PSMA8: variants seen among roughly 807,000 people sequenced by gnomAD.
PSMA8 encodes the protein proteasome 20S subunit alpha 8.
PSMA8 carries 18 observed loss-of-function variants against 32.4 expected under a neutral mutation model. The observed-to-expected ratio is 0.56, with a 90% CI of 0.38 to 0.82. PSMA8 has a LOEUF of 0.82. PSMA8 is among the 40% of genes least tolerant of loss of function. PSMA8 has a pLI of 0.00. For missense variants in PSMA8, 298 were observed against 300.7 expected (o/e 0.99, Z 0.07); for synonymous variants, 104 against 98.1 (o/e 1.06, Z -0.36).
intron 4 of PSMA8, among the ~76,000 whole-genome samples, chr18:26,161,976 C>T (rs1333656870): frequency 6.6e-6 from 1 of 152,084 alleles, no homozygotes; most frequent in East Asian, 1.9e-4. Context: ...TAAGGAAACA[C>T]TCATTTTTAG....
intron 1 of PSMA8, 152 bp downstream of exon 1, chr18:26,134,219 C>G (rs2054889850): frequency 1.6e-6 from 1 of 616,464 alleles, no homozygotes; most frequent in African/African-American, 1.8e-5. Context: ...TTTAGGGAGA[C>G]AGACTTCTAG....
At chr18:26,178,001 T>C (rs1294886917) in intron 4 of PSMA8, among the ~76,000 whole-genome samples, 1 of 151,976 alleles carries the variant, frequency 6.6e-6, no homozygotes, top group East Asian at 1.9e-4. Context: ...ATCACATGAG[T>C]CCAGGAGTTC....
intron 4 of PSMA8, among the ~76,000 whole-genome samples, chr18:26,166,328 C>T (rs2055179815): frequency 6.6e-6 from 1 of 152,142 alleles, no homozygotes. Flanking sequence ...GACAATATTT[C>T]CCATTTTCAC....
At chr18:26,162,360 T>G (rs910173160) in intron 4 of PSMA8, among the ~76,000 whole-genome samples, 21 of 152,112 alleles carry the variant, frequency 1.4e-4, no homozygotes, top group Admixed American at 1.0e-3. Context: ...ATTCTCTGCT[T>G]CTATGAGTTC....
chr18:26,173,546 G>A (rs1418653704), intron 4 of PSMA8, among the ~76,000 whole-genome samples: 2 of 151,444 alleles, frequency 1.3e-5, no homozygotes, highest in Non-Finnish European at 2.9e-5. Context: ...ATGAGTGCAG[G>A]GATTTTTGTC....
intron 1 of PSMA8, among the ~76,000 whole-genome samples, chr18:26,137,898 G>T (rs980211537): frequency 6.6e-6 from 1 of 152,188 alleles, no homozygotes; most frequent in African/African-American, 2.4e-5. Context: ...ACATCTGAAA[G>T]ATGAGGGGCT....
chr18:26,165,821 C>A (rs770596998), intron 4 of PSMA8, among the ~76,000 whole-genome samples: 2 of 152,046 alleles, frequency 1.3e-5, no homozygotes, highest in Non-Finnish European at 2.9e-5. Context: ...TACGGCCAGG[C>A]GTGGTGGCTC....
chr18:26,178,804 T>G (rs1304261064), intron 4 of PSMA8, 26 bp from the exon 5 acceptor site: 1 of 1,598,160 alleles, frequency 6.3e-7, no homozygotes, highest in East Asian at 2.2e-5. Flanking sequence ...GCAATGATAT[T>G]AATAAATTAA....
At position 26,143,227 on chromosome 18, in the gene PSMA8, G is replaced by A. The variant is rs1003053388; in HGVS notation, c.103-1332G>A. Among the ~76,000 whole-genome samples the A allele has an allele frequency of 3.9e-5, 6 of 152,232 alleles. No individual in the cohort carries two copies. In the South Asian group the frequency reaches 8.3e-4, roughly 21 times the overall value. ...TATATGGAGTTTGTTAGTTTTCCCCGTGTCTGCATGGGTTTTCTCCATGTA... is the reference window on the plus strand; with the variant it reads ...TATATGGAGTTTGTTAGTTTTCCCCATGTCTGCATGGGTTTTCTCCATGTA... On this transcript the variant is annotated intron_variant, in intron 1 of 6. Coordinates refer to ENST00000415576, the MANE Select transcript of PSMA8 (RefSeq NM_001025096.2).
intron 3 of PSMA8, 80 bp from the exon 4 acceptor site, chr18:26,158,042 T>C: frequency 1.1e-6 from 1 of 916,732 alleles, no homozygotes; most frequent in Non-Finnish European, 1.6e-6. Flanking sequence ...AGTGGATCAT[T>C]TGGGCAGCAA....
In PSMA8 at chr18:26,183,636, G is replaced by A. The variant is rs1394378789; in HGVS notation, c.660+4506G>A. On this transcript the variant is annotated intron_variant, in intron 6 of 6. Transcript: ENST00000415576. ...TTCTTAAAGATGAGAAAAGAATGTG[G>A]TTTCTTGGATGAAATCTACTCCTGG... Among the ~76,000 whole-genome samples, 2 of 150,638 alleles carry A rather than the reference G, an allele frequency of 1.3e-5. 1 individual carries two copies. Among genetic ancestry groups the A allele is most frequent in the Non-Finnish European group, 3.0e-5 (2 of 67,732 alleles).
chr18:26,136,737 G>A (rs1203595209), intron 1 of PSMA8, among the ~76,000 whole-genome samples: 2 of 152,042 alleles, frequency 1.3e-5, no homozygotes, highest in African/African-American at 4.8e-5. Context: ...CACACCAACT[G>A]GATAGTAAGA....
Position 26,134,052 on chromosome 18 carries a change from G to GA in PSMA8, c.90dup (p.Gly31ArgfsTer28). 1 of 1,613,466 alleles carries GA rather than the reference G, an allele frequency of 6.2e-7. No individual in the cohort carries two copies. Among genetic ancestry groups the GA allele is most frequent in the South Asian group, 1.1e-5 (1 of 91,062 alleles). On this transcript the variant is annotated frameshift_variant, in exon 1 of 7. Transcript: ENST00000415576. LOFTEE classifies it high-confidence loss of function. ...TTGAATATGCCCAGGAAGCGGTGAAGAAAGGATCCACCGCGGTGAGGAAGC... is the reference window on the plus strand; with the variant it reads ...TTGAATATGCCCAGGAAGCGGTGAAGAAAAGGATCCACCGCGGTGAGGAAGC...
At chr18:26,147,726 A>G (rs1450017824) in intron 2 of PSMA8, among the ~76,000 whole-genome samples, 1 of 152,166 alleles carries the variant, frequency 6.6e-6, no homozygotes, top group African/African-American at 2.4e-5. Flanking sequence ...GAACATAGAT[A>G]AATAACAGAA....
intron 6 of PSMA8, among the ~76,000 whole-genome samples, chr18:26,190,183 A>T (rs2055390207): frequency 6.6e-6 from 1 of 152,190 alleles, no homozygotes; most frequent in South Asian, 2.1e-4. Flanking sequence ...GGGATGGTTA[A>T]TAGGTACAAA....
rs189126003 is a variant in PSMA8 at position 26,178,992 on chromosome 18, T to C, written c.597+43T>C. The C allele has an allele frequency of 6.8e-4, 1,096 of 1,605,652 alleles. 10 individuals carry two copies. The African/African-American group carries it at 0.013, about 19-fold the overall frequency. On this transcript the variant is annotated intron_variant, in intron 5 of 6. Coordinates refer to ENST00000415576, the MANE Select transcript of PSMA8 (RefSeq NM_001025096.2). ...GCATATTCAGGAAATCATGAATTTTTTTTCCTCATCCATTTTTGTTTATTA... is the reference window on the plus strand; with the variant it reads ...GCATATTCAGGAAATCATGAATTTTCTTTCCTCATCCATTTTTGTTTATTA...
chr18:26,177,825 A>AT (rs148760597), intron 4 of PSMA8, among the ~76,000 whole-genome samples: 2 of 152,116 alleles, frequency 1.3e-5, no homozygotes, highest in East Asian at 1.9e-4. Flanking sequence ...TGTTGATGTC[A>AT]TTTTTTTCCC....
rs1286555518 is a variant in PSMA8, at chr18:26,170,962, T to C, written c.478-7868T>C. On this transcript the variant is annotated intron_variant, in intron 4 of 6. Transcript: ENST00000415576. ...CCAACTATCCAGACCATGTCTACTT[T>C]ATTTGCTAATTCTGGTTGTTCAGTA... 2 of 1,556,752 alleles carry C rather than the reference T, an allele frequency of 1.3e-6. 1 individual carries two copies. Among genetic ancestry groups the C allele is most frequent in the African/African-American group, 4.6e-5 (2 of 43,418 alleles).
chr18:26,145,279 C>T (rs1361508603), intron 2 of PSMA8, among the ~76,000 whole-genome samples: 5 of 152,014 alleles, frequency 3.3e-5, no homozygotes, highest in Non-Finnish European at 5.9e-5. Context: ...TCACCACACC[C>T]GGCTAATTTT....
Sources: allele counts gnomAD v4.1 joint callset (sites outside exome capture counted in the v4.1 genomes callset), GRCh38; gene constraint gnomAD v4.1.1; transcripts MANE v1.5; gene names NCBI Gene and HGNC (gene_info 2026-07-23, HGNC 2026-07-21).